Variants in RFC5 observed in about 807,000 individuals in gnomAD.
RFC5 encodes A1 36 kDa subunit.
Under a neutral mutation model 44.3 loss-of-function variants are expected in RFC5, and 26 were observed. The ratio of observed to expected loss-of-function variants is 0.59; its 90% CI spans 0.43 to 0.81. The LOEUF (loss-of-function observed/expected upper bound fraction) is 0.81. Ranked by LOEUF, RFC5 falls within the 40% of genes least tolerant of loss-of-function variation. The pLI, the probability that RFC5 is intolerant of heterozygous loss-of-function variation, is 0.00. For missense variants in RFC5, 328 were observed against 418.6 expected, an observed-to-expected ratio of 0.78 and a Z score of 1.89; for synonymous variants, 155 against 155.2, an observed-to-expected ratio of 1.00 and a Z score of 0.01.
At chr12:118,028,956 A>C (rs2031140221) in intron 9 of RFC5, among the ~76,000 whole-genome samples, 1 of 152,208 alleles carries the variant, frequency 6.6e-6, no homozygotes, top group South Asian at 2.1e-4. Flanking sequence ...TGGAGACTTA[A>C]CCGGGTCAAT....
At chr12:118,035,222 T>G (rs143188824), downstream of RFC5, 1,386 of 1,614,204 alleles carry the variant, frequency 8.6e-4, 14 homozygotes, top group African/African-American at 0.017. Context: ...ACCTGTCATC[T>G]GCCACCGTGG....
intron 5 of RFC5, among the ~76,000 whole-genome samples, chr12:118,024,251 GA>G (rs2030771955): frequency 6.6e-6 from 1 of 151,584 alleles, no homozygotes; most frequent in South Asian, 2.1e-4. Flanking sequence ...TGAGGCAGGA[GA>G]ATCGCTTTAA....
chr12:118,018,294 T>C (rs2030240381), intron 1 of RFC5, among the ~76,000 whole-genome samples: 1 of 152,200 alleles, frequency 6.6e-6, no homozygotes, highest in Non-Finnish European at 1.5e-5. Context: ...AGGTTGAGAT[T>C]ATAGGCAAAC....
downstream of RFC5, chr12:118,034,530 G>A (rs1014600346): frequency 4.1e-6 from 3 of 730,260 alleles, no homozygotes; most frequent in Non-Finnish European, 6.4e-6. Context: ...AATTAAAGCT[G>A]CTGATAGGAT....
intron 10 of RFC5, among the ~76,000 whole-genome samples, chr12:118,030,967 A>T (rs2031280755): frequency 6.6e-6 from 1 of 152,188 alleles, no homozygotes; most frequent in Admixed American, 6.5e-5. Flanking sequence ...ATCGGTCCTT[A>T]CAAGTTTGAA....
At chr12:118,026,860 A>G (rs1440175421) in intron 7 of RFC5, 29 bp from the exon 8 acceptor site, 1 of 1,602,716 alleles carries the variant, frequency 6.2e-7, no homozygotes, top group African/African-American at 1.3e-5. Context: ...AGCCACTGTG[A>G]TCTCCCCTTT....
At chr12:118,036,639 A>G (rs781468673), downstream of RFC5, 9 of 964,000 alleles carry the variant, frequency 9.3e-6, no homozygotes, top group African/African-American at 4.9e-5. Flanking sequence ...TCCCTTTTCT[A>G]CAGCTCTTCC....
chr12:118,020,381 C>T (rs146325599), intron 3 of RFC5, among the ~76,000 whole-genome samples: 4 of 152,370 alleles, frequency 2.6e-5, no homozygotes, highest in Admixed American at 6.5e-5. Context: ...TCCTATATCA[C>T]ACCTTTAAAA....
At chr12:118,036,184 A>G (rs2031505276), downstream of RFC5, 3 of 903,734 alleles carry the variant, frequency 3.3e-6, no homozygotes, top group East Asian at 7.8e-5. Context: ...CCTGGGTGAC[A>G]GAGCGAGACT....
Position 118,031,405 on chromosome 12 carries a change from C to G in RFC5, c.*127C>G, listed in dbSNP as rs2031317158. The G allele has an allele frequency of 5.2e-6, 3 of 579,142 alleles. No individual in the cohort carries two copies. Among genetic ancestry groups the G allele is most frequent in the Non-Finnish European group, 9.1e-6 (3 of 329,796 alleles). 35.9% of individuals were successfully genotyped at this position (579,142 alleles called of 1,614,324 possible). Reference sequence around the variant, plus strand: ...TCACCCCGAATCTTGGAAAAACCCCCTTCCAGGAGAGGATGGGCAGGCATT... The same window carrying G: ...TCACCCCGAATCTTGGAAAAACCCCGTTCCAGGAGAGGATGGGCAGGCATT... On this transcript the variant is annotated 3_prime_UTR_variant, in exon 11 of 11. Transcript: ENST00000454402.
chr12:118,017,139 GCGGCTTT>G (rs1456446096), intron 1 of RFC5, among the ~76,000 whole-genome samples: 1 of 152,174 alleles, frequency 6.6e-6, no homozygotes, highest in Non-Finnish European at 1.5e-5. Context: ...GAAGAAGAAG[GCGGCTTT>G]CGCACCTGGT....
intron 5 of RFC5, among the ~76,000 whole-genome samples, chr12:118,023,420 GA>G (rs1205947686): frequency 0.21 from 8,034 of 38,136 alleles, 1,186 homozygotes; most frequent in East Asian, 0.53. Context: ...GAGGGGGGAG[GA>G]GGGGAGGAAG....
the RFC5 span, among the ~76,000 whole-genome samples, chr12:118,040,392 T>C: frequency 6.6e-6 from 1 of 152,112 alleles, no homozygotes; most frequent in Non-Finnish European, 1.5e-5. Context: ...CATCAAGTGA[T>C]TTCCAGAGCC....
At position 118,019,727 on chromosome 12, in the gene RFC5, C is replaced by A; in HGVS notation, c.226C>A (p.Gln76Lys). 1 of 1,614,000 alleles carries A rather than the reference C, an allele frequency of 6.2e-7. No homozygotes were observed. The highest frequency in any genetic ancestry group is 8.5e-7 in the Non-Finnish European group (1 of 1,179,886). The change falls in exon 3 of 11, where the codon CAG (glutamine) becomes AAG (lysine). Residue 76 changes from glutamine to lysine, a missense_variant. By Grantham distance (53) the Gln-to-Lys change is moderately conservative. Transcript: ENST00000454402. The surrounding 1 kb of genome is among the most constrained non-coding windows in gnomAD (Gnocchi z 4.2). ...ATCTACCATCCTAGCCTGTGCGAAA[C>A]AGCTATATAAAGACAAAGAATTTGG... ...KTSTILACAK[Q>K]LYKDKEFGSM...
chr12:118,031,177 G>A lies in RFC5; in HGVS notation c.927-5G>A. 6.2e-7 allele frequency: 1 copy of A among 1,609,842 alleles called. No individual in the cohort carries two copies. Among genetic ancestry groups the A allele is most frequent in the Non-Finnish European group, 8.5e-7 (1 of 1,176,876 alleles). ...TTTTCTTACCCTGTGTTTGGTTTCTGTTAGGTACAGGCTTTCTGTTGGCAC... is the reference window on the plus strand; with the variant it reads ...TTTTCTTACCCTGTGTTTGGTTTCTATTAGGTACAGGCTTTCTGTTGGCAC... On this transcript the variant is annotated splice_polypyrimidine_tract_variant and splice_region_variant and intron_variant, in intron 10 of 10. Transcript: ENST00000454402.
At chr12:118,032,333 T>G (rs5745898), downstream of RFC5, 4,753 of 152,306 alleles carry the variant, frequency 0.031, 103 homozygotes, top group Non-Finnish European at 0.05. Flanking sequence ...AGTATGAAGC[T>G]AAATATCTGA....
downstream of RFC5, chr12:118,034,617 C>T (rs75791403): frequency 1.8e-4 from 88 of 494,226 alleles, no homozygotes; most frequent in East Asian, 2.9e-3. Context: ...CTAAATCTGA[C>T]CACAGTTAGT....
At position 118,025,018 on chromosome 12, in the gene RFC5, T is replaced by C. The variant is rs774780698; in HGVS notation, c.581+8T>C. The C allele has an allele frequency of 4.6e-5, 74 of 1,611,764 alleles. No individual in the cohort carries two copies. Among genetic ancestry groups the C allele is most frequent in the Non-Finnish European group, 6.2e-5 (73 of 1,179,312 alleles). ...TGTCGTGGAAGAAGAGAAGTGAGTATTTTGCGGGCCTTTGGGGATGGAGTG... is the reference window on the plus strand; with the variant it reads ...TGTCGTGGAAGAAGAGAAGTGAGTACTTTGCGGGCCTTTGGGGATGGAGTG... On this transcript the variant is annotated splice_region_variant and intron_variant, in intron 6 of 10. Transcript: ENST00000454402.
intron 9 of RFC5, among the ~76,000 whole-genome samples, chr12:118,029,467 G>C (rs755246383): frequency 4.5e-4 from 68 of 152,184 alleles, no homozygotes; most frequent in Non-Finnish European, 7.4e-4. Flanking sequence ...TGGGAACTCA[G>C]CATTCAAGTT....
Sources: gnomAD v4.1 joint callset for allele counts (sites outside exome capture counted in the v4.1 genomes callset) on GRCh38, gnomAD v4.1.1 for gene constraint, Gnocchi (gnomAD v3.1) non-coding constraint, MANE v1.5 for transcripts, NCBI Gene and HGNC (gene_info 2026-07-23, HGNC 2026-07-21) for gene names.